ERBB4: variants seen among roughly 807,000 people sequenced by gnomAD.
ERBB4 encodes erb-b2 receptor tyrosine kinase 4.
A neutral mutation model predicts 158.0 loss-of-function variants in ERBB4; 42 were observed. The ratio of observed to expected loss-of-function variants is 0.27; its 90% confidence interval spans 0.21 to 0.34. The LOEUF is 0.34. Ranked by LOEUF, ERBB4 falls within the 10% of genes least tolerant of loss-of-function variation. The probability of loss-of-function intolerance (pLI) is 1.00; values close to 1 mark genes in which losing one functional copy is unlikely to be tolerated. For synonymous variants in ERBB4, 583 were observed against 558.7 expected, an observed-to-expected ratio of 1.04 and a Z score of -0.61; for missense variants, 1,333 against 1,624.1, an observed-to-expected ratio of 0.82 and a Z score of 3.08.
At chr2:211,931,644 T>C (rs2080180252) in intron 3 of ERBB4, among the ~76,000 whole-genome samples, 1 of 151,958 alleles carries the variant, frequency 6.6e-6, no homozygotes, top group East Asian at 1.9e-4. Flanking sequence ...CTAAGAAAAT[T>C]ATTCTTTCGT....
At chr2:212,357,084 C>A (rs1482048216) in intron 1 of ERBB4, among the ~76,000 whole-genome samples, 1 of 151,668 alleles carries the variant, frequency 6.6e-6, no homozygotes, top group East Asian at 1.9e-4. Context: ...AGTGTCTTAT[C>A]CTTCAAAAAT....
At chr2:212,448,275 AG>A (rs2092392720) in intron 1 of ERBB4, among the ~76,000 whole-genome samples, 1 of 152,186 alleles carries the variant, frequency 6.6e-6, no homozygotes, top group African/African-American at 2.4e-5. Flanking sequence ...GTGATTTCAA[AG>A]GAAGAAGACT....
At chr2:211,728,348 A>ATG (rs1301184817) in intron 5 of ERBB4, among the ~76,000 whole-genome samples, 3 of 151,758 alleles carry the variant, frequency 2.0e-5, no homozygotes, top group Non-Finnish European at 3.0e-5. Context: ...CATTATATAT[A>ATG]TATATATGAT....
At chr2:212,246,667 C>T (rs1414227216) in intron 1 of ERBB4, among the ~76,000 whole-genome samples, 1 of 151,948 alleles carries the variant, frequency 6.6e-6, no homozygotes, top group Non-Finnish European at 1.5e-5. Flanking sequence ...CAGAAAGGGC[C>T]TTATGAAGAA....
At chr2:211,665,573 TGGC>T in intron 14 of ERBB4, 96 bp from the exon 15 acceptor site, 3 of 1,152,600 alleles carry the variant, frequency 2.6e-6, no homozygotes, top group Non-Finnish European at 3.8e-6. Flanking sequence ...CTTCAGTAGG[TGGC>T]AAATCTTCCT....
intron 1 of ERBB4, among the ~76,000 whole-genome samples, chr2:212,289,760 G>C (rs779951891): frequency 1.3e-5 from 2 of 151,958 alleles, no homozygotes; most frequent in Non-Finnish European, 2.9e-5. Flanking sequence ...ATATTATTGG[G>C]GCTTTTTTGT....
rs1270166916 is a variant in ERBB4 at position 212,129,239 on chromosome 2, T to C, written c.83-4336A>G. Among the ~76,000 whole-genome samples, 3 of 151,584 alleles carry C rather than the reference T, an allele frequency of 2.0e-5. 1 individual carries two copies. The highest frequency in any genetic ancestry group is 2.0e-4 in the Admixed American group (3 of 15,212). On this transcript the variant is annotated intron_variant, in intron 1 of 27. Transcript: ENST00000342788. ...AATAATACTCATACTTTAATATTAATATAAAAAATCAATAGGTAATAATCT... is the reference window on the plus strand; with the variant it reads ...AATAATACTCATACTTTAATATTAACATAAAAAATCAATAGGTAATAATCT...
rs150759621 is a variant in ERBB4, at chr2:211,555,377, G to A, written c.2487+6526C>T. 8.5e-3 allele frequency among the ~76,000 whole-genome samples: 1,296 copies of A among 152,156 alleles called. 15 individuals carry two copies. Among genetic ancestry groups the A allele is most frequent in the East Asian group, 0.04 (209 of 5,162 alleles). ...ATTTTGTATTTTTAGTAGAGGCGGG[G>A]TTTCTCCATGTTGGTCAGGCTGGTC... On this transcript the variant is annotated intron_variant, in intron 20 of 27. Transcript: ENST00000342788.
chr2:212,097,853 G>A (rs1163324580), intron 2 of ERBB4, among the ~76,000 whole-genome samples: 2 of 152,146 alleles, frequency 1.3e-5, no homozygotes, highest in Non-Finnish European at 2.9e-5. Context: ...TGAGATTAAA[G>A]AGTAAAAACT....
At chr2:212,195,358 C>T (rs572706025) in intron 1 of ERBB4, among the ~76,000 whole-genome samples, 2 of 152,026 alleles carry the variant, frequency 1.3e-5, no homozygotes, top group South Asian at 2.1e-4. Context: ...TAAATATGCT[C>T]AGATTTTAAA....
intron 1 of ERBB4, among the ~76,000 whole-genome samples, chr2:212,320,144 GAA>G (rs1367914222): frequency 6.8e-6 from 1 of 148,094 alleles, no homozygotes; most frequent in East Asian, 2.0e-4. Flanking sequence ...TTGCGGGATG[GAA>G]AAAGTCTGAT....
At chr2:211,404,068 A>G (rs2063098870) in intron 25 of ERBB4, among the ~76,000 whole-genome samples, 3 of 152,156 alleles carry the variant, frequency 2.0e-5, no homozygotes, top group African/African-American at 7.2e-5. Context: ...TAGATAAGAG[A>G]AAAAGAAATA....
chr2:212,332,683 T>C (rs1378361609), intron 1 of ERBB4, among the ~76,000 whole-genome samples: 1 of 152,094 alleles, frequency 6.6e-6, no homozygotes, highest in African/African-American at 2.4e-5. Context: ...GTTCATTTCT[T>C]TCCTGGGTTG....
chr2:211,525,012 G>T (rs1159796150), intron 20 of ERBB4, among the ~76,000 whole-genome samples: 1 of 152,184 alleles, frequency 6.6e-6, no homozygotes, highest in African/African-American at 2.4e-5. Flanking sequence ...AGAAGACCTA[G>T]CCAAAGGAGA....
chr2:212,267,154 C>T (rs1239918197), intron 1 of ERBB4, among the ~76,000 whole-genome samples: 1 of 151,962 alleles, frequency 6.6e-6, no homozygotes. Context: ...TCTTGCTCAA[C>T]AAGCCTTAAT....
intron 14 of ERBB4, among the ~76,000 whole-genome samples, chr2:211,672,353 G>C (rs1315605088): frequency 1.3e-5 from 2 of 151,794 alleles, no homozygotes; most frequent in Admixed American, 6.6e-5. Context: ...ATGATACTTA[G>C]GAATGAAAAA....
chr2:212,157,207 G>A (rs1201362973), intron 1 of ERBB4, among the ~76,000 whole-genome samples: 1 of 151,952 alleles, frequency 6.6e-6, no homozygotes, highest in Non-Finnish European at 1.5e-5. Context: ...GCATTTCTGG[G>A]CCATGGCACA....
intron 20 of ERBB4, among the ~76,000 whole-genome samples, chr2:211,461,277 C>A (rs2064523824): frequency 1.3e-5 from 2 of 151,934 alleles, no homozygotes; most frequent in African/African-American, 2.4e-5. Flanking sequence ...GAAATGTTTG[C>A]TTTTACTAGT....
chr2:211,477,635 T>C (rs2064987613), intron 20 of ERBB4, among the ~76,000 whole-genome samples: 1 of 152,138 alleles, frequency 6.6e-6, no homozygotes, highest in Admixed American at 6.6e-5. Context: ...TGTATATTTT[T>C]CTAGATCTGT....
Sources: gnomAD v4.1 joint callset for allele counts (sites outside exome capture counted in the v4.1 genomes callset) on GRCh38, gnomAD v4.1.1 for gene constraint, MANE v1.5 for transcripts, NCBI Gene and HGNC (gene_info 2026-07-23, HGNC 2026-07-21) for gene names.